The following KCNQ3 variants were observed in gnomAD, a reference collection of about 807,000 sequenced individuals.
KCNQ3 encodes potassium voltage-gated channel subfamily Q member 3, also known as potassium voltage-gated channel subfamily KQT member 3.
KCNQ3 carries 30 observed loss-of-function variants against 92.5 expected under a neutral mutation model. The ratio of observed to expected loss-of-function variants is 0.32; its 90% CI spans 0.24 to 0.44. The LOEUF (loss-of-function observed/expected upper bound fraction) is 0.44. Ranked by LOEUF, KCNQ3 falls within the 20% of genes least tolerant of loss-of-function variation. KCNQ3 has a pLI of 1.00. For missense variants in KCNQ3, 913 were observed against 1,140.3 expected (o/e 0.80, Z 2.87); for synonymous variants, 450 against 468.8 (o/e 0.96, Z 0.52).
chr8:132,441,512 C>T (rs1486578590), intron 1 of KCNQ3, among the ~76,000 whole-genome samples: 1 of 152,160 alleles, frequency 6.6e-6, no homozygotes, highest in Non-Finnish European at 1.5e-5. Context: ...CGAGATCGCA[C>T]CACTGCACTC....
intron 3 of KCNQ3, among the ~76,000 whole-genome samples, chr8:132,182,311 AC>A (rs1215856817): frequency 6.6e-6 from 1 of 152,176 alleles, no homozygotes; most frequent in Non-Finnish European, 1.5e-5. Context: ...GGCAGTTCTG[AC>A]CCATCTTCAC....
chr8:132,255,415 G>C (rs966566286), intron 1 of KCNQ3, among the ~76,000 whole-genome samples: 1 of 152,130 alleles, frequency 6.6e-6, no homozygotes, highest in Non-Finnish European at 1.5e-5. Context: ...ATATGAGTTG[G>C]GGAAAATAAG....
At chr8:132,388,922 T>C (rs145364272) in intron 1 of KCNQ3, among the ~76,000 whole-genome samples, 1 of 152,322 alleles carries the variant, frequency 6.6e-6, no homozygotes, top group African/African-American at 2.4e-5. Context: ...GAAACTTAAA[T>C]ACCGACACAT....
intron 1 of KCNQ3, among the ~76,000 whole-genome samples, chr8:132,224,218 G>C (rs1428268507): frequency 6.7e-6 from 1 of 149,424 alleles, no homozygotes; most frequent in African/African-American, 2.5e-5. Context: ...TTCTAGATGT[G>C]AGCCTCTGCA....
intron 1 of KCNQ3, among the ~76,000 whole-genome samples, chr8:132,349,314 T>C (rs1174291409): frequency 5.3e-5 from 8 of 152,286 alleles, no homozygotes; most frequent in Non-Finnish European, 1.2e-4. Flanking sequence ...ACTAAACTAG[T>C]ATCTAACGAG....
intron 1 of KCNQ3, among the ~76,000 whole-genome samples, chr8:132,405,252 A>G (rs1192934427): frequency 6.6e-6 from 1 of 152,190 alleles, no homozygotes; most frequent in Non-Finnish European, 1.5e-5. Flanking sequence ...AGGTCCCACT[A>G]TAAGCCATCA....
chr8:132,397,641 T>C lies in KCNQ3; in HGVS notation c.386+82506A>G, dbSNP rs1303699065. Among the ~76,000 whole-genome samples, 4 of 152,310 alleles carry C rather than the reference T, an allele frequency of 2.6e-5. No homozygotes were observed. The Middle Eastern group carries it at 0.01, about 389-fold the overall frequency. On this transcript the variant is annotated intron_variant, in intron 1 of 14. Transcript: ENST00000388996. ...GAATTTAAACAGGTTTTCAGTACAC[T>C]GTGCTCAGTAAGGGATTACCAGAGG...
intron 1 of KCNQ3, among the ~76,000 whole-genome samples, chr8:132,279,702 G>A (rs1332675607): frequency 6.6e-6 from 1 of 152,166 alleles, no homozygotes; most frequent in African/African-American, 2.4e-5. Flanking sequence ...ATGATTGTAT[G>A]TCTACATATA....
Position 132,134,382 on chromosome 8 carries a change from A to G in KCNQ3, c.1707T>C (p.Asp569=), listed in dbSNP as rs748374858. 8.1e-6 allele frequency: 13 copies of G among 1,608,424 alleles called. No homozygotes were observed. In the South Asian group the frequency reaches 1.1e-4, roughly 14 times the overall value. Residue 569 remains aspartate, a synonymous_variant, in exon 13 of 15, where the codon GAT becomes GAC. Transcript: ENST00000388996. Reference sequence around the variant, plus strand: ...AGGGAGGTCCAGGGGTGAAAATCATATCTATTCTGAAAGAAACAAACAGAG... The same window carrying G: ...AGGGAGGTCCAGGGGTGAAAATCATGTCTATTCTGAAAGAAACAAACAGAG... ...SRIKYLQTRI[D]MIFTPGPPST...
intron 1 of KCNQ3, among the ~76,000 whole-genome samples, chr8:132,472,471 C>T (rs917892485): frequency 6.6e-6 from 1 of 152,104 alleles, no homozygotes; most frequent in Non-Finnish European, 1.5e-5. Context: ...TTGGATGGAA[C>T]TGGAAGTCAT....
intron 1 of KCNQ3, among the ~76,000 whole-genome samples, chr8:132,324,124 C>G (rs763310053): frequency 6.6e-6 from 1 of 152,196 alleles, no homozygotes; most frequent in Non-Finnish European, 1.5e-5. Flanking sequence ...TAATTTCAAT[C>G]TGAAATATCC....
intron 1 of KCNQ3, among the ~76,000 whole-genome samples, chr8:132,285,232 T>C (rs1816647047): frequency 6.6e-6 from 1 of 152,126 alleles, no homozygotes; most frequent in Admixed American, 6.5e-5. Flanking sequence ...AATGGAGTAT[T>C]AAGGGTGATT....
At chr8:132,442,139 C>A (rs1381182944) in intron 1 of KCNQ3, among the ~76,000 whole-genome samples, 2 of 152,180 alleles carry the variant, frequency 1.3e-5, no homozygotes, top group South Asian at 2.1e-4. Context: ...AGGCTTAATA[C>A]CTGCTTGATG....
At chr8:132,155,093 C>A (rs1310422101) in intron 9 of KCNQ3, among the ~76,000 whole-genome samples, 24 of 152,158 alleles carry the variant, frequency 1.6e-4, no homozygotes. Flanking sequence ...TCCTTTGTGC[C>A]TGTTTCACCT....
At chr8:132,439,491 GCT>G (rs921809156) in intron 1 of KCNQ3, among the ~76,000 whole-genome samples, 1 of 152,116 alleles carries the variant, frequency 6.6e-6, no homozygotes, top group African/African-American at 2.4e-5. Flanking sequence ...CAGAATCTGT[GCT>G]ATGCTAGGTT....
chr8:132,342,855 A>G (rs890490280), intron 1 of KCNQ3, among the ~76,000 whole-genome samples: 3 of 152,232 alleles, frequency 2.0e-5, no homozygotes, highest in African/African-American at 7.2e-5. Context: ...TTGGGCATAG[A>G]TTATGTGTAG....
chr8:132,403,768 C>T (rs1820408146), intron 1 of KCNQ3, among the ~76,000 whole-genome samples: 5 of 152,194 alleles, frequency 3.3e-5, no homozygotes, highest in African/African-American at 9.6e-5. Flanking sequence ...GTTCCCAGGG[C>T]ACCCAGGCTC....
intron 8 of KCNQ3, among the ~76,000 whole-genome samples, chr8:132,167,400 C>A (rs1465778966): frequency 6.6e-6 from 1 of 152,106 alleles, no homozygotes; most frequent in Admixed American, 6.5e-5. Flanking sequence ...CTGAACTGTT[C>A]ACTTTAAAAG....
intron 1 of KCNQ3, among the ~76,000 whole-genome samples, chr8:132,248,922 T>C (rs1815287522): frequency 6.6e-6 from 1 of 152,200 alleles, no homozygotes; most frequent in Non-Finnish European, 1.5e-5. Context: ...ATTGGTGGGT[T>C]CTTGATCTCA....
Sources: gnomAD v4.1 joint callset for allele counts (sites outside exome capture counted in the v4.1 genomes callset) on GRCh38, gnomAD v4.1.1 for gene constraint, MANE v1.5 for transcripts, NCBI Gene and HGNC (gene_info 2026-07-23, HGNC 2026-07-21) for gene names.